Variants in ANKFY1 observed in about 807,000 individuals in gnomAD.
ANKFY1 encodes ankyrin repeat and FYVE domain-containing protein 1.
Under a neutral mutation model 128.3 loss-of-function variants are expected in ANKFY1, and 47 were observed. The observed-to-expected ratio is 0.37, with a 90% confidence interval of 0.29 to 0.47. ANKFY1 has a LOEUF of 0.47. ANKFY1 is among the 20% of genes least tolerant of loss of function. The pLI, the probability that ANKFY1 is intolerant of heterozygous loss-of-function variation, is 1.00. For missense variants in ANKFY1, 1,222 were observed against 1,510.6 expected (o/e 0.81, Z 3.17); for synonymous variants, 553 against 601.6 (o/e 0.92, Z 1.18).
chr17:4,177,048 CT>C, intron 19 of ANKFY1, 77 bp downstream of exon 19: 6 of 1,386,574 alleles, frequency 4.3e-6, no homozygotes, highest in Non-Finnish European at 5.7e-6. Flanking sequence ...GGCAAAGCAC[CT>C]GTGATGAGAT....
In ANKFY1 at chr17:4,167,829, G is replaced by T. The variant is rs774799680; in HGVS notation, c.3460C>A (p.Arg1154=). ...IIKFDLNKPV[R]VCNICFDVLT... ...ACATCAAAACAAATGTTGCAAACCC[G>T]CACAGGCTTGTTCAGATCAAACTTT... The change falls in exon 25 of 25, where the codon CGG becomes AGG. Residue 1154 remains arginine, a synonymous_variant. Coordinates refer to ENST00000341657, the MANE Select transcript of ANKFY1 (RefSeq NM_001330063.2). This position sits in a 1 kb window ranked among gnomAD's most constrained non-coding sequence, Gnocchi z 4.1. The T allele has an allele frequency of 8.1e-6, 13 of 1,613,814 alleles. No homozygotes were observed. The highest frequency in any genetic ancestry group is 1.1e-5 in the Non-Finnish European group (13 of 1,179,860).
intron 7 of ANKFY1, among the ~76,000 whole-genome samples, chr17:4,203,827 C>CAAAAAAAAAAAAAAA (rs773865349): frequency 2.2e-4 from 17 of 77,668 alleles, no homozygotes; most frequent in East Asian, 4.9e-4. Flanking sequence ...ACAACAACAA[C>CAAAAAAAAAAAAAAA]AAAAAAAAAA....
At chr17:4,217,291 G>A (rs1230530206) in intron 3 of ANKFY1, among the ~76,000 whole-genome samples, 173 bp from the exon 4 acceptor site, 1 of 152,206 alleles carries the variant, frequency 6.6e-6, no homozygotes, top group African/African-American at 2.4e-5. Flanking sequence ...GCTCACGCCT[G>A]TAATCCCAGC....
Position 4,175,928 on chromosome 17 carries a change from A to G in ANKFY1, c.2775+1198T>C, listed in dbSNP as rs1025983241. Among the ~76,000 whole-genome samples the G allele has an allele frequency of 2.0e-5, 3 of 152,276 alleles. No homozygotes were observed. The Middle Eastern group carries it at 0.01, about 518-fold the overall frequency. ...TTTCTGGGCGATCCTATCATCTGTC[A>G]TGCCGGGCCCCAGGAAGGCGGGGTC... On this transcript the variant is annotated intron_variant, in intron 19 of 24. Coordinates refer to ENST00000341657, the MANE Select transcript of ANKFY1 (RefSeq NM_001330063.2).
rs550511781 is a variant in ANKFY1, at chr17:4,238,759, C to T, written c.204-2869G>A. ...GGGATTACAGGTGTGAGCCACCACACCCAGCCTTGTTTTTTTTTTAGACAG... is the reference window on the plus strand; with the variant it reads ...GGGATTACAGGTGTGAGCCACCACATCCAGCCTTGTTTTTTTTTTAGACAG... On this transcript the variant is annotated intron_variant, in intron 2 of 24. Coordinates refer to ENST00000341657, the MANE Select transcript of ANKFY1 (RefSeq NM_001330063.2). Among the ~76,000 whole-genome samples the T allele has an allele frequency of 1.3e-3, 200 of 151,894 alleles. 1 individual carries two copies. Among genetic ancestry groups the T allele is most frequent in the African/African-American group, 4.8e-3 (197 of 41,444 alleles).
intron 2 of ANKFY1, among the ~76,000 whole-genome samples, chr17:4,237,388 CAG>C (rs1966957313): frequency 6.6e-6 from 1 of 152,258 alleles, no homozygotes; most frequent in African/African-American, 2.4e-5. Context: ...AAAGAAGAAA[CAG>C]AATACTCTAT....
At chr17:4,186,991 G>C (rs1415760639) in intron 11 of ANKFY1, 1 of 1,211,514 alleles carries the variant, frequency 8.3e-7, no homozygotes, top group Non-Finnish European at 1.0e-6. Context: ...TGGGTTCGCC[G>C]CAACTGTTTT....
At chr17:4,194,924 T>C in intron 10 of ANKFY1, 54 bp downstream of exon 10, 2 of 1,587,332 alleles carry the variant, frequency 1.3e-6, no homozygotes, top group Non-Finnish European at 1.7e-6. Flanking sequence ...TTACATGCCA[T>C]TTCCTGGCGC....
intron 1 of ANKFY1, among the ~76,000 whole-genome samples, chr17:4,254,700 T>C (rs927248981): frequency 3.9e-5 from 6 of 152,226 alleles, no homozygotes; most frequent in Non-Finnish European, 5.9e-5. Flanking sequence ...TAGTAAAAGA[T>C]TTTAATGCCC....
rs781145478 is a variant in ANKFY1, at chr17:4,170,754, A to G, written c.3247T>C (p.Tyr1083His). ...AGGAGCTGCTTGGTGGCGACCTGGT[A>G]GTTGAAGATGTTGACTCCCTGGTTG... The part of the protein sequence containing the change: ...NNNQGVNIFN[Y>H]QVATKQLLFR... The change falls in exon 23 of 25, where the codon TAC becomes CAC. Residue 1083 changes from tyrosine to histidine, a missense_variant. Physicochemically the swap from Tyr to His is moderately conservative, Grantham distance 83. Coordinates refer to ENST00000341657, the MANE Select transcript of ANKFY1 (RefSeq NM_001330063.2). The G allele has an allele frequency of 1.5e-5, 24 of 1,613,820 alleles. No homozygotes were observed. In the Admixed American group the frequency reaches 3.5e-4, roughly 24 times the overall value.
intron 11 of ANKFY1, chr17:4,187,667 T>G (rs2059635923): frequency 6.0e-6 from 1 of 165,760 alleles, no homozygotes; most frequent in Non-Finnish European, 1.3e-5. Flanking sequence ...GGTTTTTTTT[T>G]GTTTGTTTTT....
intron 20 of ANKFY1, among the ~76,000 whole-genome samples, 162 bp downstream of exon 20, chr17:4,173,746 TG>T (rs2059364776): frequency 6.6e-6 from 1 of 152,218 alleles, no homozygotes; most frequent in African/African-American, 2.4e-5. Flanking sequence ...GCCCAAGGCC[TG>T]GGCAGTCGCA....
intron 3 of ANKFY1, among the ~76,000 whole-genome samples, chr17:4,229,779 C>T (rs555724107): frequency 6.6e-6 from 1 of 152,312 alleles, no homozygotes; most frequent in South Asian, 2.1e-4. Context: ...CATGACATGG[C>T]CGCTAACGTT....
chr17:4,170,611 C>T lies in ANKFY1; in HGVS notation c.3286+104G>A, dbSNP rs370736078. The T allele has an allele frequency of 1.8e-4, 269 of 1,478,892 alleles. 1 individual carries two copies. The highest frequency in any genetic ancestry group is 2.3e-4 in the Non-Finnish European group (250 of 1,098,540). The allele number at this position is 1,478,892 out of a possible 1,614,324, so 91.6% of individuals were successfully genotyped here. A position where few individuals can be genotyped will look rare whatever the true frequency, so the allele number is the denominator to read the frequency against. On this transcript the variant is annotated intron_variant, in intron 23 of 24. Transcript: ENST00000341657. ...GCTACTGCCAGGAAACGAGCGGTTC[C>T]GATCCTAAGGCATCATGAGATTGAA...
chr17:4,217,217 A>C (rs1335451264), intron 3 of ANKFY1, 99 bp from the exon 4 acceptor site: 23 of 1,343,190 alleles, frequency 1.7e-5, no homozygotes, highest in Non-Finnish European at 2.4e-5. Flanking sequence ...AGTAAATGAC[A>C]GTATACCCAA....
intron 7 of ANKFY1, among the ~76,000 whole-genome samples, chr17:4,204,841 C>T (rs577296784): frequency 1.3e-5 from 2 of 152,286 alleles, no homozygotes; most frequent in African/African-American, 4.8e-5. Flanking sequence ...GCTGGCTTTG[C>T]ACAGCACATA....
chr17:4,238,230 T>C (rs982494592), intron 2 of ANKFY1, among the ~76,000 whole-genome samples: 5 of 147,154 alleles, frequency 3.4e-5, no homozygotes, highest in African/African-American at 1.2e-4. Context: ...AACCTACACA[T>C]CAGTCATTCC....
rs1324580524 is a variant in ANKFY1, at chr17:4,164,842, G to A, written c.*2937C>T. On this transcript the variant is annotated 3_prime_UTR_variant, in exon 25 of 25. Transcript: ENST00000341657. ...AGGGACAAGAGTGAGGACACAGAACGGGGTGGTCAGAAATGACTCGGGGCT... is the reference window on the plus strand; with the variant it reads ...AGGGACAAGAGTGAGGACACAGAACAGGGTGGTCAGAAATGACTCGGGGCT... The A allele has an allele frequency of 2.6e-5, 4 of 152,646 alleles. No homozygotes were observed. Among genetic ancestry groups the A allele is most frequent in the Non-Finnish European group, 1.5e-5 (1 of 68,066 alleles). The allele number at this position is 152,646 out of a possible 1,614,324, so 9.5% of individuals were successfully genotyped here. A position where few individuals can be genotyped will look rare whatever the true frequency, so the allele number is the denominator to read the frequency against.
At chr17:4,248,340 A>G (rs1300286209) in intron 1 of ANKFY1, among the ~76,000 whole-genome samples, 1 of 152,158 alleles carries the variant, frequency 6.6e-6, no homozygotes, top group East Asian at 1.9e-4. Flanking sequence ...CATGCGAGGG[A>G]TCTAGGTTGC....
Sources: gnomAD v4.1 joint callset for allele counts (sites outside exome capture counted in the v4.1 genomes callset) on GRCh38, gnomAD v4.1.1 for gene constraint, Gnocchi (gnomAD v3.1) non-coding constraint, MANE v1.5 for transcripts, NCBI Gene and HGNC (gene_info 2026-07-23, HGNC 2026-07-21) for gene names.